The following GALNTL6 variants were observed in gnomAD, a reference collection of about 807,000 sequenced individuals.
GALNTL6 encodes polypeptide N-acetylgalactosaminyltransferase like 6.
In GALNTL6, 46 loss-of-function variants were observed where a neutral mutation model predicts 73.7. The observed-to-expected ratio is 0.62, with a 90% CI of 0.49 to 0.80. The LOEUF (loss-of-function observed/expected upper bound fraction) is 0.80. Ranked by LOEUF, GALNTL6 falls within the 30% of genes least tolerant of loss-of-function variation. The pLI is 0.00. For synonymous variants in GALNTL6, 259 were observed against 263.7 expected (o/e 0.98, Z 0.17); for missense variants, 604 against 755.0 (o/e 0.80, Z 2.34).
At chr4:172,634,890 G>A (rs1003371277) in intron 5 of GALNTL6, among the ~76,000 whole-genome samples, 2 of 151,892 alleles carry the variant, frequency 1.3e-5, no homozygotes, top group Non-Finnish European at 2.9e-5. Context: ...TATACAAAAG[G>A]CACTAAAAGA....
At chr4:172,075,713 C>T (rs772330923) in intron 2 of GALNTL6, among the ~76,000 whole-genome samples, 13 of 152,092 alleles carry the variant, frequency 8.5e-5, no homozygotes, top group Non-Finnish European at 1.6e-4. Context: ...ATAGTCATGG[C>T]ATCTCCCTTC....
At chr4:172,685,524 C>T (rs1356447453) in intron 5 of GALNTL6, among the ~76,000 whole-genome samples, 1 of 152,092 alleles carries the variant, frequency 6.6e-6, no homozygotes, top group African/African-American at 2.4e-5. Context: ...ACCAGTGTGA[C>T]CAGAGGATAA....
intron 2 of GALNTL6, among the ~76,000 whole-genome samples, chr4:171,817,799 A>G (rs1734560067): frequency 6.6e-6 from 1 of 151,738 alleles, no homozygotes; most frequent in Admixed American, 6.6e-5. Context: ...TTTTAATAAC[A>G]TGATACAATT....
chr4:173,025,167 A>G (rs529418937), intron 12 of GALNTL6, among the ~76,000 whole-genome samples: 41 of 152,304 alleles, frequency 2.7e-4, no homozygotes, highest in African/African-American at 9.4e-4. Context: ...TCCTTATTCT[A>G]TGATGCTGGG....
intron 2 of GALNTL6, among the ~76,000 whole-genome samples, chr4:171,982,899 C>T (rs566625731): frequency 6.6e-6 from 1 of 152,238 alleles, no homozygotes; most frequent in South Asian, 2.1e-4. Flanking sequence ...TTTCTCAGCC[C>T]TGTGTCATAG....
chr4:172,641,304 T>C (rs1411188687), intron 5 of GALNTL6, among the ~76,000 whole-genome samples: 2 of 152,116 alleles, frequency 1.3e-5, no homozygotes, highest in Non-Finnish European at 2.9e-5. Flanking sequence ...AATCCTTCAA[T>C]GGCTTGACGT....
Position 173,039,985 on chromosome 4 carries a change from C to G in GALNTL6, c.1691C>G (p.Ala564Gly). ...AACAGCTGCATGGATTGCAACCCCG[C>G]AGAGAAGAAGATTTTCATGGCCAGA... ...VSNSCMDCNPAEKKIFMARCD... is the reference protein window; with the variant it reads ...VSNSCMDCNPGEKKIFMARCD... Residue 564 changes from alanine (A) to glycine (G), a missense_variant, in exon 13 of 13, where the codon GCA becomes GGA. Ala to Gly is a moderately conservative substitution (Grantham distance 60). Transcript: ENST00000506823. 1 of 1,613,806 alleles carries G rather than the reference C, an allele frequency of 6.2e-7. No individual in the cohort carries two copies. Among genetic ancestry groups the G allele is most frequent in the East Asian group, 2.2e-5 (1 of 44,874 alleles).
chr4:172,722,591 A>T (rs1735546666), intron 5 of GALNTL6, among the ~76,000 whole-genome samples: 2 of 152,158 alleles, frequency 1.3e-5, no homozygotes, highest in Admixed American at 1.3e-4. Context: ...ACACAGTAAA[A>T]TGCAAATGAA....
chr4:171,977,670 T>C (rs923679814), intron 2 of GALNTL6, among the ~76,000 whole-genome samples: 1 of 152,142 alleles, frequency 6.6e-6, no homozygotes, highest in East Asian at 1.9e-4. Context: ...AACACACAAA[T>C]TTTGTGAGGG....
At chr4:172,315,892 A>G (rs988730298) in intron 4 of GALNTL6, among the ~76,000 whole-genome samples, 1 of 152,040 alleles carries the variant, frequency 6.6e-6, no homozygotes, top group East Asian at 1.9e-4. Flanking sequence ...ATGCTATGGA[A>G]CACCTTATTT....
At chr4:172,680,336 A>G (rs942202473) in intron 5 of GALNTL6, among the ~76,000 whole-genome samples, 4 of 152,176 alleles carry the variant, frequency 2.6e-5, no homozygotes, top group Non-Finnish European at 5.9e-5. Flanking sequence ...CTCACTCAAA[A>G]GCATATAGTT....
At chr4:172,554,101 T>A (rs952426166) in intron 5 of GALNTL6, among the ~76,000 whole-genome samples, 1 of 152,182 alleles carries the variant, frequency 6.6e-6, no homozygotes, top group Non-Finnish European at 1.5e-5. Flanking sequence ...TTGTTCCAAT[T>A]GCCATTGCCT....
chr4:172,825,756 T>C (rs966040503), intron 7 of GALNTL6, among the ~76,000 whole-genome samples: 3 of 152,022 alleles, frequency 2.0e-5, no homozygotes, highest in African/African-American at 7.2e-5. Context: ...GGAGGGAAAC[T>C]GTAGGGGAAA....
intron 12 of GALNTL6, among the ~76,000 whole-genome samples, chr4:173,030,961 A>C (rs1753432414): frequency 6.6e-6 from 1 of 151,612 alleles, no homozygotes. Flanking sequence ...ATGCCACTGC[A>C]CTCCTGCACT....
chr4:172,333,727 C>T (rs1481174973), intron 4 of GALNTL6, among the ~76,000 whole-genome samples: 17 of 152,200 alleles, frequency 1.1e-4, no homozygotes, highest in Admixed American at 5.9e-4. Context: ...TTGTCACCTG[C>T]GCTTTTGAGG....
intron 5 of GALNTL6, among the ~76,000 whole-genome samples, chr4:172,450,099 C>T (rs1261266100): frequency 6.6e-6 from 1 of 151,922 alleles, no homozygotes; most frequent in African/African-American, 2.4e-5. Flanking sequence ...CACCTGTAAT[C>T]CCAGCTACTT....
chr4:172,443,624 G>T (rs1397189229), intron 5 of GALNTL6, among the ~76,000 whole-genome samples: 1 of 151,986 alleles, frequency 6.6e-6, no homozygotes, highest in Non-Finnish European at 1.5e-5. Flanking sequence ...GAGAACACAG[G>T]TGATATATGA....
intron 2 of GALNTL6, among the ~76,000 whole-genome samples, chr4:172,146,785 T>C (rs1210221409): frequency 6.6e-6 from 1 of 152,210 alleles, no homozygotes; most frequent in Admixed American, 6.5e-5. Flanking sequence ...ATTTGTTTAA[T>C]TAAATAACAT....
At chr4:172,400,548 GAGTTT>G (rs146433244) in intron 5 of GALNTL6, among the ~76,000 whole-genome samples, 3,098 of 152,220 alleles carry the variant, frequency 0.02, 101 homozygotes, top group African/African-American at 0.07. Context: ...ACTCTAGACA[GAGTTT>G]AGGAGTTGAA....
Sources: allele counts gnomAD v4.1 joint callset (sites outside exome capture counted in the v4.1 genomes callset), GRCh38; gene constraint gnomAD v4.1.1; transcripts MANE v1.5; gene names NCBI Gene and HGNC (gene_info 2026-07-23, HGNC 2026-07-21).